BCL3: variants seen among roughly 807,000 people sequenced by gnomAD.
The protein encoded by BCL3 is BCL3 transcription coactivator.
In BCL3, 15 loss-of-function variants were observed where a neutral mutation model predicts 35.7. That is an observed-to-expected ratio of 0.42 (90% CI 0.28 to 0.65). BCL3 has a LOEUF of 0.65. Among genes scored for constraint, BCL3 ranks in the 30% least tolerant of loss-of-function variants. BCL3 has a pLI of 0.22. For missense variants in BCL3, 565 were observed against 641.7 expected (o/e 0.88, Z 1.29); for synonymous variants, 311 against 284.3 (o/e 1.09, Z -0.95).
At position 44,757,583 on chromosome 19, in the gene BCL3, A is replaced by G; in HGVS notation, c.814-63A>G. The G allele has an allele frequency of 6.3e-7, 1 of 1,586,788 alleles. No homozygotes were observed. The highest frequency in any genetic ancestry group is 1.7e-4 in the Middle Eastern group (1 of 5,944). On this transcript the variant is annotated intron_variant, in intron 5 of 8. Coordinates refer to ENST00000164227, the MANE Select transcript of BCL3 (RefSeq NM_005178.5). The surrounding 1 kb of genome is among the most constrained non-coding windows in gnomAD (Gnocchi z 8.4). Reference sequence around the variant, plus strand: ...ACCCCGCGAATGGGATGTGGACGGGATGCGGGTCGCCGGCTGCTGGAGCAG... The same window carrying G: ...ACCCCGCGAATGGGATGTGGACGGGGTGCGGGTCGCCGGCTGCTGGAGCAG...
intron 2 of BCL3, among the ~76,000 whole-genome samples, chr19:44,751,935 A>G (rs1362789050): frequency 6.6e-6 from 1 of 152,174 alleles, no homozygotes; most frequent in East Asian, 1.9e-4. Context: ...TGGTCTTTAG[A>G]TATTTTGTCA....
At chr19:44,748,170 C>A, upstream of BCL3, 1 of 1,029,116 alleles carries the variant, frequency 9.7e-7, no homozygotes, top group Non-Finnish European at 1.3e-6. Flanking sequence ...CCAGAGATGC[C>A]AAGGCCTCCT....
rs1967326346 is a variant in BCL3, at chr19:44,757,759, A to G, written c.891+36A>G. On this transcript the variant is annotated intron_variant, in intron 6 of 8. Transcript: ENST00000164227. The surrounding 1 kb of genome is among the most constrained non-coding windows in gnomAD (Gnocchi z 8.4). ...CCCCCCTGAGCCTCGCGCCCACCCT[A>G]TCCTCTGACCCCAACCCGGCTCTGG... 4.4e-6 allele frequency: 7 copies of G among 1,600,010 alleles called. No individual in the cohort carries two copies. In the East Asian group the frequency reaches 6.7e-5, roughly 15 times the overall value.
rs1967170644 is a variant in BCL3, at chr19:44,751,162, G to A, written c.257-65G>A. 12 of 1,550,274 alleles carry A rather than the reference G, an allele frequency of 7.7e-6. No individual in the cohort carries two copies. In the Admixed American group the frequency reaches 2.0e-4, roughly 26 times the overall value. ...CACAGGAGCAAAGTTTTAGAAGTGG[G>A]GGGCGGGTTGAGGGTCTGTGGGTGT... On this transcript the variant is annotated intron_variant, in intron 1 of 8. Coordinates refer to ENST00000164227, the MANE Select transcript of BCL3 (RefSeq NM_005178.5).
In BCL3 at chr19:44,757,283, G is replaced by A; in HGVS notation, c.725-44G>A. ...GCGGACCTGGAGTCCATCAGCGGCC[G>A]CAAAGCCCGGGCCTAGGTTTCACCG... On this transcript the variant is annotated intron_variant, in intron 4 of 8. Coordinates refer to ENST00000164227, the MANE Select transcript of BCL3 (RefSeq NM_005178.5). This position sits in a 1 kb window ranked among gnomAD's most constrained non-coding sequence, Gnocchi z 8.4. 2 of 1,565,860 alleles carry A rather than the reference G, an allele frequency of 1.3e-6. No individual in the cohort carries two copies. The highest frequency in any genetic ancestry group is 1.7e-6 in the Non-Finnish European group (2 of 1,153,966).
At chr19:44,747,711 C>A, upstream of BCL3, 1 of 618,472 alleles carries the variant, frequency 1.6e-6, no homozygotes, top group Non-Finnish European at 2.1e-6. Context: ...AGCCAAACTG[C>A]TCCCCGCTCC....
upstream of BCL3, chr19:44,747,921 A>G: frequency 1.7e-6 from 2 of 1,186,720 alleles, no homozygotes; most frequent in Non-Finnish European, 2.1e-6. Context: ...CAATCAGTGG[A>G]GCGCTCCCCA....
intron 2 of BCL3, among the ~76,000 whole-genome samples, chr19:44,751,820 C>T (rs1277807356): frequency 1.3e-5 from 2 of 152,170 alleles, no homozygotes; most frequent in Admixed American, 6.6e-5. Flanking sequence ...CCAGGTTGGT[C>T]TCAAACTCCT....
chr19:44,758,203 G>A (rs1967336415), intron 6 of BCL3, 43 bp from the exon 7 acceptor site: 2 of 1,430,048 alleles, frequency 1.4e-6, no homozygotes, highest in Admixed American at 2.9e-5. Flanking sequence ...CCTTACCCCG[G>A]GTGGCCCGCG....
Position 44,758,727 on chromosome 19 carries a change from A to T in BCL3, c.1063A>T (p.Ile355Phe), listed in dbSNP as rs987956436. ...PLMVARSRRV[I>F]DILRGKATRP... is the part of the protein sequence containing the mutation. ...GGTCACGCCCATCTTCCTACAGGTC[A>T]TCGACATCCTGAGGGGGAAGGCCAC... is the stretch of plus-strand genomic sequence containing the variant. Residue 355 changes from isoleucine to phenylalanine, a missense_variant, in exon 8 of 9, where the codon ATC becomes TTC. Physicochemically the swap from Ile to Phe is conservative, Grantham distance 21. Coordinates refer to ENST00000164227, the MANE Select transcript of BCL3 (RefSeq NM_005178.5). 2.5e-6 allele frequency: 4 copies of T among 1,596,772 alleles called. No individual in the cohort carries two copies. Among genetic ancestry groups the T allele is most frequent in the Non-Finnish European group, 3.4e-6 (4 of 1,172,352 alleles).
chr19:44,752,823 A>G (rs1967206889), intron 2 of BCL3, among the ~76,000 whole-genome samples: 1 of 152,184 alleles, frequency 6.6e-6, no homozygotes, highest in Admixed American at 6.5e-5. Context: ...AACAGGAACC[A>G]TCGCGTGTGA....
Position 44,753,898 on chromosome 19 carries a change from G to C in BCL3, c.411-2334G>C, listed in dbSNP as rs566485951. 7.9e-4 allele frequency among the ~76,000 whole-genome samples: 121 copies of C among 152,234 alleles called. 1 individual carries two copies. The highest frequency in any genetic ancestry group is 2.7e-3 in the African/African-American group (111 of 41,558). On this transcript the variant is annotated intron_variant, in intron 2 of 8. Transcript: ENST00000164227. ...GGAACTGTATTCCTTAATCTCCGAG[G>C]GGATGAGGAGCAGCTTGGCAGCTTG...
chr19:44,750,911 C>A (rs8103315), intron 1 of BCL3, among the ~76,000 whole-genome samples: 13,653 of 152,178 alleles, frequency 0.09, 885 homozygotes, highest in Non-Finnish European at 0.13. Flanking sequence ...GCAGACAGTC[C>A]CTGGGGTCCC....
At position 44,757,184 on chromosome 19, in the gene BCL3, T is replaced by C. The variant is rs758195840; in HGVS notation, c.687T>C (p.Ala229=). ...TGCGAGCCCTGCTGGACAGCGCAGC[T>C]CCGGGCACGTTGGACCTGGAGGCCC... ...TCLRALLDSA[A]PGTLDLEARN... is the part of the protein sequence containing the mutation. Residue 229 remains alanine (A), a synonymous_variant, in exon 4 of 9, where the codon GCT becomes GCC. Transcript: ENST00000164227. This position sits in a 1 kb window ranked among gnomAD's most constrained non-coding sequence, Gnocchi z 8.4. 2.5e-6 allele frequency: 4 copies of C among 1,570,538 alleles called. No individual in the cohort carries two copies. Among genetic ancestry groups the C allele is most frequent in the Non-Finnish European group, 3.5e-6 (4 of 1,156,326 alleles).
In BCL3 at chr19:44,758,794, G is replaced by A. The variant is rs920821074; in HGVS notation, c.1130G>A (p.Arg377Gln). 5 of 1,608,208 alleles carry A rather than the reference G, an allele frequency of 3.1e-6. No homozygotes were observed. The highest frequency in any genetic ancestry group is 2.5e-6 in the Non-Finnish European group (3 of 1,178,188). ...TCCCAGCCAGACCCCTCCCCTGACC[G>A]GAGCGCCAACACCTCCCCCGAGAGC... ...STSQPDPSPD[R>Q]SANTSPESSS... The change falls in exon 8 of 9, where the codon CGG becomes CAG. Residue 377 changes from arginine (R) to glutamine (Q), a missense_variant. Arg to Gln is a conservative substitution (Grantham distance 43). Around this residue, in one of 5 missense-constraint regions of BCL3, gnomAD observed 151 missense variants for 138.1 expected, o/e 1.09. Coordinates refer to ENST00000164227, the MANE Select transcript of BCL3 (RefSeq NM_005178.5).
intron 2 of BCL3, among the ~76,000 whole-genome samples, chr19:44,752,669 C>G (rs560724176): frequency 6.6e-6 from 1 of 152,150 alleles, no homozygotes; most frequent in African/African-American, 2.4e-5. Flanking sequence ...AAGTCCTGCA[C>G]GGGAGGGTTT....
At chr19:44,754,660 C>G (rs112125253) in intron 2 of BCL3, among the ~76,000 whole-genome samples, 6,912 of 152,284 alleles carry the variant, frequency 0.045, 429 homozygotes, top group African/African-American at 0.13. Context: ...CTGGCCGCCC[C>G]GAGAGGGACC....
chr19:44,751,422 G>A, intron 2 of BCL3, 42 bp downstream of exon 2: 1 of 1,515,516 alleles, frequency 6.6e-7, no homozygotes, highest in Non-Finnish European at 8.8e-7. Context: ...TGGTTGGGAA[G>A]ACCAGCCGTC....
chr19:44,748,641 G>A, upstream of BCL3: 2 of 964,260 alleles, frequency 2.1e-6, no homozygotes, highest in Non-Finnish European at 2.5e-6. Flanking sequence ...CGGGGGGGCC[G>A]GGGGCGGGGA....
Sources: allele counts gnomAD v4.1 joint callset (sites outside exome capture counted in the v4.1 genomes callset), GRCh38; gene constraint gnomAD v4.1.1; regional missense constraint gnomAD v4.1.1; non-coding constraint Gnocchi (gnomAD v3.1); transcripts MANE v1.5; gene names NCBI Gene and HGNC (gene_info 2026-07-23, HGNC 2026-07-21).